PCTP: variants seen among roughly 807,000 people sequenced by gnomAD.
PCTP encodes the protein phosphatidylcholine transfer protein, also known as START domain-containing protein 2.
Under a neutral mutation model 31.0 loss-of-function variants are expected in PCTP, and 27 were observed. That is an observed-to-expected ratio of 0.87 (90% CI 0.64 to 1.20). PCTP has a LOEUF of 1.20. Ranked by LOEUF, PCTP falls within the 50% of genes most tolerant of loss-of-function variation. The probability of loss-of-function intolerance (pLI) is 0.00; values close to 1 mark genes in which losing one functional copy is unlikely to be tolerated. For missense variants in PCTP, 287 were observed against 268.2 expected, an observed-to-expected ratio of 1.07 and a Z score of -0.49; for synonymous variants, 108 against 101.2, an observed-to-expected ratio of 1.07 and a Z score of -0.40.
intron 3 of PCTP, among the ~76,000 whole-genome samples, chr17:55,791,825 T>C (rs1911994053): frequency 6.6e-6 from 1 of 152,036 alleles, no homozygotes; most frequent in Non-Finnish European, 1.5e-5. Context: ...CAAAGGACTA[T>C]AAATCATGCT....
At chr17:55,827,261 G>A (rs1476246339), downstream of PCTP, among the ~76,000 whole-genome samples, 1 of 152,116 alleles carries the variant, frequency 6.6e-6, no homozygotes, top group Non-Finnish European at 1.5e-5. Flanking sequence ...TTAGAATCCT[G>A]CTCAGCCCCA....
At chr17:55,808,420 C>T (rs1912643652) in intron 3 of PCTP, among the ~76,000 whole-genome samples, 1 of 152,188 alleles carries the variant, frequency 6.6e-6, no homozygotes, top group Non-Finnish European at 1.5e-5. Context: ...GTAACTCATC[C>T]ATGTTGGCTC....
At chr17:55,828,817 G>A (rs180926530) in intron 5 of PCTP, among the ~76,000 whole-genome samples, 6 of 152,288 alleles carry the variant, frequency 3.9e-5, no homozygotes, top group Non-Finnish European at 4.4e-5. Flanking sequence ...AAGTGGGCAC[G>A]AATCACTTTA....
intron 3 of PCTP, among the ~76,000 whole-genome samples, chr17:55,805,288 G>A (rs1912538594): frequency 6.6e-6 from 1 of 151,922 alleles, no homozygotes; most frequent in Admixed American, 6.6e-5. Context: ...TGAGGAATGG[G>A]CTTCTAATAT....
At chr17:55,816,319 G>A (rs1355320055) in intron 3 of PCTP, among the ~76,000 whole-genome samples, 1 of 152,112 alleles carries the variant, frequency 6.6e-6, no homozygotes, top group African/African-American at 2.4e-5. Flanking sequence ...CTATGAAATT[G>A]TCTGGATATT....
At chr17:55,845,495 A>G (rs1025011508), downstream of PCTP, among the ~76,000 whole-genome samples, 1 of 152,158 alleles carries the variant, frequency 6.6e-6, no homozygotes, top group African/African-American at 2.4e-5. Flanking sequence ...TCAAGGGGGC[A>G]GTGTGGTCCT....
intron 3 of PCTP, among the ~76,000 whole-genome samples, chr17:55,790,795 A>T (rs1475170254): frequency 6.7e-6 from 1 of 149,488 alleles, no homozygotes; most frequent in African/African-American, 2.5e-5. Flanking sequence ...ACAGAATTGG[A>T]AAAAACTACT....
At chr17:55,761,890 T>A (rs894462037) in intron 1 of PCTP, among the ~76,000 whole-genome samples, 3 of 152,166 alleles carry the variant, frequency 2.0e-5, no homozygotes, top group African/African-American at 4.8e-5. Flanking sequence ...GTCAGTCTAC[T>A]TTTTTACCTT....
chr17:55,785,334 C>G (rs900217505), intron 2 of PCTP, among the ~76,000 whole-genome samples: 2 of 152,226 alleles, frequency 1.3e-5, no homozygotes, highest in East Asian at 3.9e-4. Context: ...TTCCAACAGC[C>G]TCCTGAGTGA....
chr17:55,832,265 G>A (rs1905627436), intron 5 of PCTP, among the ~76,000 whole-genome samples: 1 of 152,172 alleles, frequency 6.6e-6, no homozygotes, highest in Non-Finnish European at 1.5e-5. Context: ...TCAATTATCT[G>A]TATTCCTTAG....
At position 55,830,198 on chromosome 17, in the gene PCTP, A is replaced by AT. The variant is rs371799313; in HGVS notation, n.505+7276dup. Among the ~76,000 whole-genome samples the AT allele has an allele frequency of 5.1e-4, 77 of 152,098 alleles. 1 individual carries two copies. The East Asian group carries it at 0.014, about 27-fold the overall frequency. Reference sequence around the variant, plus strand: ...GCTAAAAAACCTGGGCATCAGGGAGATTTTTCCAAGCTCCCAGGAGATTTG... The same window carrying AT: ...GCTAAAAAACCTGGGCATCAGGGAGATTTTTTCCAAGCTCCCAGGAGATTTG... On this transcript the variant is annotated intron_variant and non_coding_transcript_variant, in intron 5 of 5. Coordinates refer to the PCTP transcript ENST00000576221.
chr17:55,798,192 A>C (rs1316245017), intron 3 of PCTP, among the ~76,000 whole-genome samples: 1 of 152,020 alleles, frequency 6.6e-6, no homozygotes, highest in Non-Finnish European at 1.5e-5. Context: ...TAAAAAGAAG[A>C]ATAGAAAATG....
chr17:55,772,583 A>G (rs1407569949), intron 3 of PCTP, among the ~76,000 whole-genome samples: 1 of 151,514 alleles, frequency 6.6e-6, no homozygotes, highest in Non-Finnish European at 1.5e-5. Context: ...TGTCTCAAAA[A>G]AAAAAAAAAA....
At chr17:55,754,708 G>A (rs759871118) in intron 1 of PCTP, among the ~76,000 whole-genome samples, 3 of 152,170 alleles carry the variant, frequency 2.0e-5, no homozygotes, top group South Asian at 4.1e-4. Context: ...GTATGAGGCA[G>A]GACCCTCCCT....
intron 5 of PCTP, among the ~76,000 whole-genome samples, chr17:55,832,947 A>T (rs932267898): frequency 6.6e-6 from 1 of 152,174 alleles, no homozygotes; most frequent in Non-Finnish European, 1.5e-5. Context: ...TAAAGAGACC[A>T]TCCTTCTCCT....
downstream of PCTP, among the ~76,000 whole-genome samples, chr17:55,845,887 G>GGTGTGTGTGTGTGTGTGT (rs34179575): frequency 3.2e-3 from 451 of 143,054 alleles, 1 homozygote; most frequent in South Asian, 8.2e-3. Flanking sequence ...AGAGGGTTGG[G>GGTGTGTGTGTGTGTGTGT]GTGTGTGTGT....
At chr17:55,778,721 T>C (rs1043496489), downstream of PCTP, among the ~76,000 whole-genome samples, 1 of 152,142 alleles carries the variant, frequency 6.6e-6, no homozygotes, top group East Asian at 1.9e-4. Context: ...CTATGGGTTA[T>C]AGTATAATGT....
At chr17:55,802,951 A>C (rs1798523482) in intron 3 of PCTP, among the ~76,000 whole-genome samples, 1 of 152,144 alleles carries the variant, frequency 6.6e-6, no homozygotes, top group African/African-American at 2.4e-5. Context: ...ATTGTATATT[A>C]AGCAAACCCC....
intron 3 of PCTP, among the ~76,000 whole-genome samples, chr17:55,798,208 A>G (rs913587922): frequency 1.3e-5 from 2 of 152,046 alleles, no homozygotes; most frequent in Non-Finnish European, 2.9e-5. Flanking sequence ...AAATGTAGAA[A>G]AGGGTCTAAG....
Sources: allele counts gnomAD v4.1 joint callset (sites outside exome capture counted in the v4.1 genomes callset), GRCh38; gene constraint gnomAD v4.1.1; transcripts MANE v1.5; gene names NCBI Gene and HGNC (gene_info 2026-07-23, HGNC 2026-07-21).